The following FAP variants were observed in gnomAD, a reference collection of about 807,000 sequenced individuals.
The protein encoded by FAP is fibroblast activation protein alpha.
FAP carries 110 observed loss-of-function variants against 126.5 expected under a neutral mutation model. That is an observed-to-expected ratio of 0.87 (90% CI 0.74 to 1.02). FAP has a LOEUF of 1.02. Ranked by LOEUF, FAP falls within the 50% of genes least tolerant of loss-of-function variation. The pLI, the probability that FAP is intolerant of heterozygous loss-of-function variation, is 0.00. For missense variants in FAP, 919 were observed against 909.2 expected, an observed-to-expected ratio of 1.01 and a Z score of -0.14; for synonymous variants, 334 against 297.3, an observed-to-expected ratio of 1.12 and a Z score of -1.27.
chr2:162,233,090 G>A (rs1252936524), intron 2 of FAP, among the ~76,000 whole-genome samples: 1 of 151,580 alleles, frequency 6.6e-6, no homozygotes, highest in Non-Finnish European at 1.5e-5. Flanking sequence ...GACTTTCACT[G>A]GATTGTCTTT....
chr2:162,194,766 A>G lies in FAP; in HGVS notation c.1403-18T>C. On this transcript the variant is annotated intron_variant, in intron 16 of 25. Coordinates refer to ENST00000188790, the MANE Select transcript of FAP (RefSeq NM_004460.5). ...GCCTGGGCCTGTGGGCAGGATGAAA[A>G]CAAAATCATGGCTTAGTGTTAAAAT... 6.2e-7 allele frequency: 1 copy of G among 1,612,408 alleles called. No homozygotes were observed. Among genetic ancestry groups the G allele is most frequent in the South Asian group, 1.1e-5 (1 of 91,032 alleles).
chr2:162,175,987 C>T (rs764447848), intron 21 of FAP: 9 of 152,188 alleles, frequency 5.9e-5, no homozygotes, highest in Admixed American at 3.3e-4. Context: ...GATGCAAGAA[C>T]GTCCCTAAAA....
chr2:162,218,748 A>AG (rs1689263046), intron 8 of FAP, among the ~76,000 whole-genome samples: 1 of 152,030 alleles, frequency 6.6e-6, no homozygotes, highest in African/African-American at 2.4e-5. Context: ...GTTTTGAAAA[A>AG]AAAAAATTTC....
intron 21 of FAP, among the ~76,000 whole-genome samples, chr2:162,177,005 G>A (rs766666119): frequency 2.6e-5 from 4 of 151,956 alleles, no homozygotes; most frequent in African/African-American, 4.8e-5. Context: ...TTAAATTCTC[G>A]GGCAGCTTGG....
Position 162,172,880 on chromosome 2 carries a change from A to G in FAP, c.2112T>C (p.Asn704=), listed in dbSNP as rs1221936159. 6 of 1,611,196 alleles carry G rather than the reference A, an allele frequency of 3.7e-6. No homozygotes were observed. The highest frequency in any genetic ancestry group is 1.7e-5 in the Admixed American group (1 of 59,904). The change falls in exon 25 of 26, where the codon AAT becomes AAC. Residue 704 remains asparagine (N), a synonymous_variant. Transcript: ENST00000188790. The stretch of plus-strand genomic sequence containing the variant: ...TCTGTGCTGAGTTTTGAAAGTGCAC[A>G]TTATCTGCAACAAAGAGAGAGAGAG... ...YLLIHGTADD[N]VHFQNSAQIA... is the part of the protein sequence containing the mutation.
At chr2:162,210,352 T>C (rs899701321) in intron 11 of FAP, among the ~76,000 whole-genome samples, 5 of 152,194 alleles carry the variant, frequency 3.3e-5, no homozygotes, top group Non-Finnish European at 5.9e-5. Flanking sequence ...ATGAAGTAGC[T>C]AAAATTTTAA....
At chr2:162,197,190 A>G (rs139485176) in intron 16 of FAP, among the ~76,000 whole-genome samples, 2 of 152,340 alleles carry the variant, frequency 1.3e-5, no homozygotes, top group African/African-American at 4.8e-5. Flanking sequence ...ACTGCAAGGG[A>G]CAGCAATGTT....
chr2:162,230,281 G>A (rs778441817), intron 2 of FAP, among the ~76,000 whole-genome samples: 1 of 152,022 alleles, frequency 6.6e-6, no homozygotes, highest in Non-Finnish European at 1.5e-5. Context: ...AAAACATAAA[G>A]ATTACTTAGA....
At chr2:162,204,167 G>A (rs942989353) in intron 12 of FAP, among the ~76,000 whole-genome samples, 18 of 152,158 alleles carry the variant, frequency 1.2e-4, no homozygotes, top group African/African-American at 4.3e-4. Context: ...ACCTATCCTG[G>A]TGAGACCTAA....
At chr2:162,184,660 T>C (rs988601773) in intron 20 of FAP, among the ~76,000 whole-genome samples, 2 of 152,168 alleles carry the variant, frequency 1.3e-5, no homozygotes, top group African/African-American at 2.4e-5. Context: ...GCTACCTGTG[T>C]GGATGCTGCT....
At chr2:162,192,983 C>T (rs1011646318) in intron 17 of FAP, among the ~76,000 whole-genome samples, 2 of 152,084 alleles carry the variant, frequency 1.3e-5, no homozygotes, top group African/African-American at 4.8e-5. Flanking sequence ...TGTAACTGCC[C>T]ATTTCCATGT....
chr2:162,236,618 G>T (rs536759386), intron 2 of FAP, among the ~76,000 whole-genome samples: 3 of 114,390 alleles, frequency 2.6e-5, no homozygotes, highest in South Asian at 2.2e-4. Flanking sequence ...TGTTTTTGGT[G>T]GGGGGGCAGG....
chr2:162,232,791 T>C (rs1421836319), intron 2 of FAP, among the ~76,000 whole-genome samples: 2 of 152,236 alleles, frequency 1.3e-5, no homozygotes, highest in Non-Finnish European at 2.9e-5. Context: ...TCTGGATAAC[T>C]AAGGCTTTCA....
Position 162,201,826 on chromosome 2 carries a change from T to C in FAP, c.1223+1046A>G, listed in dbSNP as rs572746168. 1.2e-4 allele frequency among the ~76,000 whole-genome samples: 19 copies of C among 152,328 alleles called. No homozygotes were observed. In the East Asian group the frequency reaches 3.7e-3, roughly 29 times the overall value. On this transcript the variant is annotated intron_variant, in intron 14 of 25. Transcript: ENST00000188790. ...ATCTATTACATTGCCACTCTTCTAG[T>C]TCAGGCCTCTTATGACCAGAGCTAG... is the stretch of plus-strand genomic sequence containing the variant.
rs1688329838 is a variant in FAP at position 162,198,111 on chromosome 2, C to T, written c.1402+646G>A. The T allele has an allele frequency of 7.7e-6, 9 of 1,165,150 alleles. No individual in the cohort carries two copies. The South Asian group carries it at 1.3e-4, about 17-fold the overall frequency. 72.2% of individuals were successfully genotyped at this position (1,165,150 alleles called of 1,614,324 possible). Reference sequence around the variant, plus strand: ...ATTATTCATTAAATGTACGTATGTCCTAAACAACCAGGAAATGTTTTGTAG... The same window carrying T: ...ATTATTCATTAAATGTACGTATGTCTTAAACAACCAGGAAATGTTTTGTAG... On this transcript the variant is annotated intron_variant, in intron 16 of 25. Transcript: ENST00000188790.
intron 23 of FAP, 147 bp downstream of exon 23, chr2:162,173,576 C>T (rs549126151): frequency 1.2e-5 from 8 of 646,340 alleles, no homozygotes; most frequent in Admixed American, 1.0e-4. Flanking sequence ...GGAGTAAAAC[C>T]CTTTCTAGTG....
chr2:162,214,016 C>G lies in FAP; in HGVS notation c.924G>C (p.Trp308Cys). 1 of 1,613,944 alleles carries G rather than the reference C, an allele frequency of 6.2e-7. No individual in the cohort carries two copies. The highest frequency in any genetic ancestry group is 8.5e-7 in the Non-Finnish European group (1 of 1,179,898). ...WVTDERVCLQ[W>C]LKRVQNVSVL... ...CCGAAACATTCTGGACTCTTTTTAG[C>G]CACTGCAAACATACTCGTTCATCAG... The change falls in exon 11 of 26, where the codon TGG becomes TGC. Residue 308 changes from tryptophan to cysteine, a missense_variant. By Grantham distance (215) the Trp-to-Cys change is radical. Transcript: ENST00000188790.
rs780578178 is a variant in FAP, at chr2:162,170,946, A to G, written c.*33T>C. 22 of 1,540,008 alleles carry G rather than the reference A, an allele frequency of 1.4e-5. No individual in the cohort carries two copies. The East Asian group carries it at 4.9e-4, about 35-fold the overall frequency. On this transcript the variant is annotated 3_prime_UTR_variant, in exon 26 of 26. Coordinates refer to ENST00000188790, the MANE Select transcript of FAP (RefSeq NM_004460.5). Reference sequence around the variant, plus strand: ...TCTGAGGGGTTTATATAAGGTTTTCAGATTCTGATACAGGCTTGCATCTGC... The same window carrying G: ...TCTGAGGGGTTTATATAAGGTTTTCGGATTCTGATACAGGCTTGCATCTGC...
chr2:162,188,807 A>G (rs1687940954), intron 19 of FAP, among the ~76,000 whole-genome samples: 2 of 152,086 alleles, frequency 1.3e-5, no homozygotes, highest in Admixed American at 6.6e-5. Flanking sequence ...ATGATTTACA[A>G]TATTTTTTTT....
Sources: allele counts gnomAD v4.1 joint callset (sites outside exome capture counted in the v4.1 genomes callset), GRCh38; gene constraint gnomAD v4.1.1; transcripts MANE v1.5; gene names NCBI Gene and HGNC (gene_info 2026-07-23, HGNC 2026-07-21).